The following SLIT3 variants were observed in gnomAD, a reference collection of about 807,000 sequenced individuals.
The protein encoded by SLIT3 is slit guidance ligand 3, also known as slit homolog 3 protein.
In SLIT3, 68 loss-of-function variants were observed where a neutral mutation model predicts 184.0. The observed-to-expected ratio is 0.37, with a 90% confidence interval of 0.30 to 0.45. The LOEUF (loss-of-function observed/expected upper bound fraction) is 0.45. SLIT3 is among the 20% of genes least tolerant of loss of function. The pLI is 1.00. For missense variants in SLIT3, 1,707 were observed against 2,026.0 expected (o/e 0.84, Z 3.02); for synonymous variants, 831 against 828.6 (o/e 1.00, Z -0.05).
chr5:168,717,439 C>T (rs2113350041), intron 23 of SLIT3, among the ~76,000 whole-genome samples: 1 of 151,872 alleles, frequency 6.6e-6, no homozygotes, highest in Non-Finnish European at 1.5e-5. Context: ...CACTTGTATC[C>T]CCATGGCTCT....
At chr5:168,884,513 A>T (rs200870012) in intron 4 of SLIT3, among the ~76,000 whole-genome samples, 4 of 115,668 alleles carry the variant, frequency 3.5e-5, no homozygotes, top group South Asian at 5.9e-4. Flanking sequence ...GGTAAAAAAA[A>T]AACGTTGCAG....
intron 4 of SLIT3, among the ~76,000 whole-genome samples, chr5:168,978,577 T>G (rs1402431273): frequency 6.6e-6 from 1 of 152,166 alleles, no homozygotes; most frequent in Non-Finnish European, 1.5e-5. Context: ...GAGAAATGAG[T>G]TCTTTTTCTT....
chr5:169,184,772 G>T (rs1443433171), intron 4 of SLIT3, among the ~76,000 whole-genome samples: 1 of 152,172 alleles, frequency 6.6e-6, no homozygotes, highest in Admixed American at 6.5e-5. Context: ...GTGGTGCTAG[G>T]CCAGCACAAT....
rs182893016 is a variant in SLIT3 at position 169,255,021 on chromosome 5, G to A, written c.198-3562C>T. 7.9e-5 allele frequency among the ~76,000 whole-genome samples: 12 copies of A among 152,292 alleles called. 1 individual carries two copies. The East Asian group carries it at 1.9e-3, about 25-fold the overall frequency. On this transcript the variant is annotated intron_variant, in intron 1 of 35. Transcript: ENST00000519560. Reference sequence around the variant, plus strand: ...GGTGGTCCCATAAGATCATAACGGAGCTGAAAAATTCCTAGTGACATCATA... The same window carrying A: ...GGTGGTCCCATAAGATCATAACGGAACTGAAAAATTCCTAGTGACATCATA...
intron 4 of SLIT3, among the ~76,000 whole-genome samples, chr5:168,978,818 C>T (rs146825368): frequency 0.011 from 1,743 of 151,654 alleles, 27 homozygotes; most frequent in African/African-American, 0.04. Context: ...AACTGTCTTC[C>T]GAAATTGCTG....
At chr5:169,201,075 C>T (rs1763892227) in intron 3 of SLIT3, among the ~76,000 whole-genome samples, 1 of 152,114 alleles carries the variant, frequency 6.6e-6, no homozygotes, top group Non-Finnish European at 1.5e-5. Flanking sequence ...AAGTGTGGAC[C>T]AACCCACAAT....
chr5:169,026,303 A>G (rs915944091), intron 4 of SLIT3: 13 of 152,214 alleles, frequency 8.5e-5, no homozygotes, highest in Non-Finnish European at 1.8e-4. Flanking sequence ...TTGTTTTGCC[A>G]TTTCTAGGAG....
chr5:168,819,836 G>T (rs79836456), intron 7 of SLIT3, among the ~76,000 whole-genome samples: 602 of 152,194 alleles, frequency 4.0e-3, no homozygotes, highest in Non-Finnish European at 6.1e-3. Flanking sequence ...CCCTTTGTCC[G>T]TCTTAATAGA....
intron 4 of SLIT3, among the ~76,000 whole-genome samples, chr5:168,958,011 T>G (rs1421897491): frequency 2.0e-5 from 3 of 152,190 alleles, no homozygotes; most frequent in Non-Finnish European, 4.4e-5. Flanking sequence ...CCAAATGTCT[T>G]TCTGAAATGT....
At chr5:168,818,519 G>A (rs1038591755) in intron 7 of SLIT3, among the ~76,000 whole-genome samples, 1 of 152,244 alleles carries the variant, frequency 6.6e-6, no homozygotes, top group Non-Finnish European at 1.5e-5. Flanking sequence ...GTCACTAGAA[G>A]TTGGTAGTGG....
chr5:169,206,824 A>T (rs1764082366), intron 3 of SLIT3, among the ~76,000 whole-genome samples: 1 of 152,214 alleles, frequency 6.6e-6, no homozygotes, highest in African/African-American at 2.4e-5. Flanking sequence ...ATTATCTGTG[A>T]CCAATTCTCA....
At chr5:169,093,694 C>T (rs1759672250) in intron 4 of SLIT3, among the ~76,000 whole-genome samples, 1 of 152,110 alleles carries the variant, frequency 6.6e-6, no homozygotes, top group South Asian at 2.1e-4. Context: ...TTGCATCCCC[C>T]ATTAGTTGTG....
chr5:168,930,334 T>G (rs12659848), intron 4 of SLIT3, among the ~76,000 whole-genome samples: 8,491 of 152,242 alleles, frequency 0.056, 342 homozygotes, highest in East Asian at 0.13. Context: ...CTACACAAGC[T>G]TGCCAGAGAA....
At chr5:168,704,228 T>G (rs1206230636) in intron 26 of SLIT3, among the ~76,000 whole-genome samples, 1 of 150,680 alleles carries the variant, frequency 6.6e-6, no homozygotes, top group East Asian at 1.9e-4. Flanking sequence ...ATTGAACATA[T>G]GTGCCTGAAA....
At chr5:169,011,101 T>C (rs1386786384) in intron 4 of SLIT3, among the ~76,000 whole-genome samples, 2 of 152,190 alleles carry the variant, frequency 1.3e-5, no homozygotes, top group East Asian at 3.9e-4. Flanking sequence ...GGGCCGAAGC[T>C]ATAACCAACA....
chr5:168,783,853 T>C (rs780155616), intron 12 of SLIT3, among the ~76,000 whole-genome samples: 5 of 152,170 alleles, frequency 3.3e-5, no homozygotes, highest in Non-Finnish European at 7.4e-5. Flanking sequence ...CAACTCTTGG[T>C]CTCAAGAGAG....
intron 20 of SLIT3, among the ~76,000 whole-genome samples, 163 bp downstream of exon 20, chr5:168,748,139 A>G (rs1004778732): frequency 6.6e-6 from 1 of 152,096 alleles, no homozygotes; most frequent in Non-Finnish European, 1.5e-5. Context: ...CATGGCTGCC[A>G]TCTTGGTGAG....
chr5:169,158,037 A>G (rs563745766), intron 4 of SLIT3, among the ~76,000 whole-genome samples: 120 of 152,056 alleles, frequency 7.9e-4, no homozygotes, highest in African/African-American at 2.8e-3. Context: ...AGGGAGAGAA[A>G]GGATGGGGCT....
chr5:168,905,688 T>C (rs1761026984), intron 4 of SLIT3, among the ~76,000 whole-genome samples: 1 of 152,148 alleles, frequency 6.6e-6, no homozygotes, highest in Non-Finnish European at 1.5e-5. Flanking sequence ...CAGGGAAAAG[T>C]GGTATTGGAA....
Sources: allele counts gnomAD v4.1 joint callset (sites outside exome capture counted in the v4.1 genomes callset), GRCh38; gene constraint gnomAD v4.1.1; transcripts MANE v1.5; gene names NCBI Gene and HGNC (gene_info 2026-07-23, HGNC 2026-07-21).